FAM53B: variants seen among roughly 807,000 people sequenced by gnomAD.
FAM53B encodes family with sequence similarity 53 member B, also known as protein FAM53B.
Under a neutral mutation model 32.7 loss-of-function variants are expected in FAM53B, and 12 were observed. That is an observed-to-expected ratio of 0.37 (90% CI 0.24 to 0.59). The LOEUF (loss-of-function observed/expected upper bound fraction) is 0.59. Among genes scored for constraint, FAM53B ranks in the 20% least tolerant of loss-of-function variants. FAM53B has a pLI of 0.72. For synonymous variants in FAM53B, 234 were observed against 228.7 expected (o/e 1.02, Z -0.21); for missense variants, 477 against 577.7 (o/e 0.83, Z 1.79).
chr10:124,702,398 T>C (rs1221705637), intron 2 of FAM53B, among the ~76,000 whole-genome samples: 1 of 152,214 alleles, frequency 6.6e-6, no homozygotes, highest in African/African-American at 2.4e-5. Flanking sequence ...TCAAAGCAAA[T>C]GCTAGCATCA....
chr10:124,629,149 G>A (rs542619819), intron 4 of FAM53B, among the ~76,000 whole-genome samples: 2 of 152,244 alleles, frequency 1.3e-5, no homozygotes, highest in Non-Finnish European at 2.9e-5. Context: ...GGGGCCCTGT[G>A]GGGAGTCCAG....
chr10:124,696,341 G>C (rs552111805), intron 2 of FAM53B, 129 bp from the exon 3 acceptor site: 2 of 813,372 alleles, frequency 2.5e-6, no homozygotes, highest in Non-Finnish European at 4.1e-6. Flanking sequence ...TCAGGGAAAG[G>C]AGGAAAAGGT....
chr10:124,743,929 G>A (rs1236868612), intron 1 of FAM53B, 84 bp downstream of exon 1: 1 of 150,266 alleles, frequency 6.7e-6, no homozygotes, highest in Non-Finnish European at 1.5e-5. Flanking sequence ...CCTCCAGCCA[G>A]CGGCCGGGAC....
chr10:124,683,425 T>C (rs180992769), intron 3 of FAM53B, among the ~76,000 whole-genome samples: 1 of 152,342 alleles, frequency 6.6e-6, no homozygotes, highest in East Asian at 1.9e-4. Flanking sequence ...CACATGTGAA[T>C]GGCTTGAGTC....
At position 124,657,164 on chromosome 10, in the gene FAM53B, A is replaced by G. The variant is rs868524581; in HGVS notation, c.906+24443T>C. Among the ~76,000 whole-genome samples, 137 of 53,364 alleles carry G rather than the reference A, an allele frequency of 2.6e-3. 4 individuals carry two copies. The East Asian group carries it at 0.069, about 27-fold the overall frequency. The allele number at this position is 53,364 out of a possible 152,430, so 35.0% of individuals were successfully genotyped here. A position where few individuals can be genotyped will look rare whatever the true frequency, so the allele number is the denominator to read the frequency against. ...CATATATATGTGTATATATGTGTGT[A>G]TATATATATGTACATATATATATAT... On this transcript the variant is annotated intron_variant, in intron 4 of 4. Coordinates refer to ENST00000337318, the MANE Select transcript of FAM53B (RefSeq NM_014661.4).
intron 4 of FAM53B, among the ~76,000 whole-genome samples, chr10:124,646,645 C>T (rs540673081): frequency 3.3e-5 from 5 of 152,326 alleles, no homozygotes; most frequent in South Asian, 4.1e-4. Context: ...CACCCTGTGA[C>T]GCTCTTTTGC....
intron 3 of FAM53B, among the ~76,000 whole-genome samples, chr10:124,687,374 C>CA (rs1253309070): frequency 1.3e-5 from 2 of 152,076 alleles, no homozygotes; most frequent in Non-Finnish European, 2.9e-5. Flanking sequence ...TACTGAGCAA[C>CA]AGTCACTTGG....
intron 4 of FAM53B, among the ~76,000 whole-genome samples, chr10:124,643,193 G>A (rs914166599): frequency 5.9e-5 from 9 of 152,196 alleles, no homozygotes; most frequent in Non-Finnish European, 1.2e-4. Context: ...TCAGGTTAAG[G>A]GAGAATCACA....
intron 1 of FAM53B, among the ~76,000 whole-genome samples, chr10:124,715,027 A>G (rs1950030841): frequency 6.6e-6 from 1 of 152,052 alleles, no homozygotes; most frequent in Non-Finnish European, 1.5e-5. Context: ...CATCTACAGA[A>G]CTCCAAAGTC....
chr10:124,662,808 A>G (rs1949643318), intron 4 of FAM53B, among the ~76,000 whole-genome samples: 1 of 152,204 alleles, frequency 6.6e-6, no homozygotes, highest in African/African-American at 2.4e-5. Flanking sequence ...TGGGTGACAG[A>G]GCAAGATCCT....
At chr10:124,718,751 AAAG>A (rs1187649556) in intron 1 of FAM53B, among the ~76,000 whole-genome samples, 5 of 152,384 alleles carry the variant, frequency 3.3e-5, no homozygotes, top group South Asian at 2.1e-4. Context: ...AGATTTCTGC[AAAG>A]AAGGGCTTCA....
At chr10:124,634,358 C>A (rs1175917171) in intron 4 of FAM53B, among the ~76,000 whole-genome samples, 1 of 152,184 alleles carries the variant, frequency 6.6e-6, no homozygotes, top group Non-Finnish European at 1.5e-5. Context: ...ATAGGGAAAC[C>A]CACTGATACG....
intron 4 of FAM53B, among the ~76,000 whole-genome samples, chr10:124,666,732 C>T (rs1949675397): frequency 1.3e-5 from 2 of 152,238 alleles, no homozygotes; most frequent in South Asian, 4.1e-4. Context: ...CCTCAGAGAG[C>T]AGGGCAGGAT....
chr10:124,623,978 T>C, intron 4 of FAM53B: 1 of 208,214 alleles, frequency 4.8e-6, no homozygotes. Flanking sequence ...TCAGGTAATT[T>C]CACTACTTGG....
intron 4 of FAM53B, among the ~76,000 whole-genome samples, chr10:124,646,328 G>A (rs942986480): frequency 6.6e-6 from 1 of 152,206 alleles, no homozygotes; most frequent in African/African-American, 2.4e-5. Context: ...AATACAGATG[G>A]GCTGTATCTG....
intron 4 of FAM53B, among the ~76,000 whole-genome samples, chr10:124,635,153 C>T (rs1949421180): frequency 1.3e-5 from 2 of 152,152 alleles, no homozygotes; most frequent in African/African-American, 2.4e-5. Context: ...AGTGCAGTGG[C>T]ATGATCTCGG....
At chr10:124,690,711 T>C (rs775787748) in intron 3 of FAM53B, among the ~76,000 whole-genome samples, 52 of 152,228 alleles carry the variant, frequency 3.4e-4, no homozygotes, top group Non-Finnish European at 5.4e-4. Context: ...ATACCCTTTA[T>C]GGACAAACTA....
intron 1 of FAM53B, among the ~76,000 whole-genome samples, chr10:124,739,729 C>T (rs1311441849): frequency 6.6e-6 from 1 of 152,118 alleles, no homozygotes; most frequent in Admixed American, 6.5e-5. Context: ...CCAGCTTCCC[C>T]GTGCAGCCCC....
At chr10:124,635,194 G>A (rs1050390123) in intron 4 of FAM53B, among the ~76,000 whole-genome samples, 7 of 152,284 alleles carry the variant, frequency 4.6e-5, no homozygotes, top group Admixed American at 2.0e-4. Flanking sequence ...CTGGGTTCAA[G>A]CAATTCTCCT....
Sources: gnomAD v4.1 joint callset for allele counts (sites outside exome capture counted in the v4.1 genomes callset) on GRCh38, gnomAD v4.1.1 for gene constraint, MANE v1.5 for transcripts, NCBI Gene and HGNC (gene_info 2026-07-23, HGNC 2026-07-21) for gene names.